ZNF536: variants seen among roughly 807,000 people sequenced by gnomAD.
ZNF536 encodes zinc finger protein 536.
In ZNF536, 13 loss-of-function variants were observed where a neutral mutation model predicts 84.5. The observed-to-expected ratio is 0.15, with a 90% CI of 0.10 to 0.24. The LOEUF is 0.24. Ranked by LOEUF, ZNF536 falls within the 10% of genes least tolerant of loss-of-function variation. ZNF536 has a pLI of 1.00. For synonymous variants in ZNF536, 811 were observed against 742.5 expected (o/e 1.09, Z -1.50); for missense variants, 1,536 against 1,747.5 (o/e 0.88, Z 2.16).
chr19:30,590,025 T>C (rs1346519964), intron 1 of ZNF536, among the ~76,000 whole-genome samples: 1 of 152,182 alleles, frequency 6.6e-6, no homozygotes, highest in East Asian at 1.9e-4. Context: ...CCCACTGGGC[T>C]CCATCCAGAT....
At chr19:30,365,948 T>C (rs948393827) in intron 3 of ZNF536, among the ~76,000 whole-genome samples, 2 of 152,190 alleles carry the variant, frequency 1.3e-5, no homozygotes, top group Non-Finnish European at 2.9e-5. Flanking sequence ...AATAGGAGTT[T>C]CTCTATGTAT....
rs930897911 is a variant in ZNF536, at chr19:30,228,855, T to C, written c.-190+182T>C. 1.3e-5 allele frequency: 2 copies of C among 151,300 alleles called. No individual in the cohort carries two copies. The highest frequency in any genetic ancestry group is 4.9e-5 in the African/African-American group (2 of 41,200). 9.4% of individuals were successfully genotyped at this position (151,300 alleles called of 1,614,324 possible). A position where few individuals can be genotyped will look rare whatever the true frequency, so the allele number is the denominator to read the frequency against. On this transcript the variant is annotated intron_variant, in intron 1 of 5. Coordinates refer to the ZNF536 transcript ENST00000585628. This position sits in a 1 kb window ranked among gnomAD's most constrained non-coding sequence, Gnocchi z 4.5. Reference sequence around the variant, plus strand: ...CCGGCTGGCTGCTCGCACAACTTTTTTTTTTTCCCCCGTCTGCTGACTTTT... The same window carrying C: ...CCGGCTGGCTGCTCGCACAACTTTTCTTTTTTCCCCCGTCTGCTGACTTTT...
chr19:30,303,579 T>C (rs142373122), intron 2 of ZNF536, among the ~76,000 whole-genome samples: 2,754 of 152,144 alleles, frequency 0.018, 36 homozygotes, highest in Middle Eastern at 0.041. Context: ...CTCTGCTCAC[T>C]GCAACCTCCG....
rs549753515 is a variant in ZNF536 at position 30,548,287 on chromosome 19, C to T, written c.2668C>T (p.Leu890Phe). Residue 890 changes from leucine to phenylalanine, a missense_variant, in exon 4 of 5, where the codon CTT becomes TTT. This residue lies in a region of ZNF536 where 624 missense variants were observed against 603.1 expected (regional missense o/e 1.03). Coordinates refer to ENST00000355537, the MANE Select transcript of ZNF536 (RefSeq NM_014717.3). ...VPSDALKGTD[L>F]PSKSTHFSEI... ...CTCAGATGCTCTGAAAGGCACTGAC[C>T]TTCCTTCCAAAAGCACCCACTTCTC... The T allele has an allele frequency of 1.2e-6, 2 of 1,614,244 alleles. No homozygotes were observed. The highest frequency in any genetic ancestry group is 1.7e-6 in the Non-Finnish European group (2 of 1,180,040).
chr19:30,522,260 TAC>T (rs1555789067), intron 2 of ZNF536, among the ~76,000 whole-genome samples: 3 of 110,306 alleles, frequency 2.7e-5, no homozygotes, highest in Admixed American at 9.3e-5. Flanking sequence ...TGGATATATA[TAC>T]ATATATATAT....
intron 2 of ZNF536, among the ~76,000 whole-genome samples, chr19:30,503,921 CT>C (rs200736973): frequency 3.4e-5 from 5 of 147,804 alleles, no homozygotes; most frequent in Admixed American, 6.7e-5. Context: ...TCTTCTCTCT[CT>C]TTTTTTTTAA....
intron 2 of ZNF536, among the ~76,000 whole-genome samples, chr19:30,507,380 A>T (rs2055219165): frequency 6.6e-6 from 1 of 152,118 alleles, no homozygotes; most frequent in Non-Finnish European, 1.5e-5. Context: ...AAAAACAAAA[A>T]ACTGGGAAAC....
At chr19:30,526,931 T>G (rs1187955108) in intron 2 of ZNF536, among the ~76,000 whole-genome samples, 4 of 152,000 alleles carry the variant, frequency 2.6e-5, no homozygotes, top group Admixed American at 1.3e-4. Context: ...CCCTTTTTCT[T>G]TTTTTGAGAC....
intron 1 of ZNF536, among the ~76,000 whole-genome samples, chr19:30,234,117 T>G (rs2023286312): frequency 6.6e-6 from 1 of 152,206 alleles, no homozygotes; most frequent in Non-Finnish European, 1.5e-5. Flanking sequence ...CTATTCTTAG[T>G]CTATGGCTTT....
At chr19:30,487,244 A>G (rs2054336145) in intron 2 of ZNF536, among the ~76,000 whole-genome samples, 1 of 152,224 alleles carries the variant, frequency 6.6e-6, no homozygotes, top group African/African-American at 2.4e-5. Flanking sequence ...TCATTATAAC[A>G]TCGTTTAAAA....
At chr19:30,476,075 C>T (rs186778590) in intron 2 of ZNF536, among the ~76,000 whole-genome samples, 2 of 152,324 alleles carry the variant, frequency 1.3e-5, no homozygotes, top group Admixed American at 1.3e-4. Context: ...TTCTGAAGAA[C>T]AAATGCGGCT....
chr19:30,547,893 A>T (rs2045615059), intron 3 of ZNF536, 50 bp from the exon 4 acceptor site: 1 of 1,509,610 alleles, frequency 6.6e-7, no homozygotes, highest in African/African-American at 1.4e-5. Flanking sequence ...CGTTCAGCAC[A>T]CCAAAATGAG....
At chr19:30,318,392 A>G (rs1331722137) in intron 2 of ZNF536, among the ~76,000 whole-genome samples, 6 of 152,268 alleles carry the variant, frequency 3.9e-5, no homozygotes, top group Non-Finnish European at 7.3e-5. Flanking sequence ...GAAAAGAGCC[A>G]ATGAAATGAT....
intron 2 of ZNF536, among the ~76,000 whole-genome samples, chr19:30,494,092 A>T (rs909013446): frequency 1.3e-5 from 2 of 152,196 alleles, no homozygotes; most frequent in Non-Finnish European, 2.9e-5. Flanking sequence ...AAACTTCCTT[A>T]AAAAAAGGTT....
At chr19:30,329,977 T>C (rs2047157310) in intron 2 of ZNF536, among the ~76,000 whole-genome samples, 2 of 152,308 alleles carry the variant, frequency 1.3e-5, no homozygotes, top group East Asian at 1.9e-4. Flanking sequence ...ATGGTTTAGG[T>C]GATAATTTAT....
At chr19:30,453,254 T>G (rs749185568) in intron 2 of ZNF536, among the ~76,000 whole-genome samples, 9 of 152,136 alleles carry the variant, frequency 5.9e-5, no homozygotes, top group Non-Finnish European at 1.2e-4. Context: ...ACCTGCTCAC[T>G]GAGGCACCTG....
In ZNF536 at chr19:30,698,683, T is replaced by C. The variant is rs142300973; in HGVS notation, c.170-12074T>C. Among the ~76,000 whole-genome samples the C allele has an allele frequency of 4.7e-3, 714 of 152,302 alleles. 3 individuals are homozygous for C. Among genetic ancestry groups the C allele is most frequent in the Non-Finnish European group, 7.4e-3 (502 of 68,032 alleles). ...GAAGACCACAAAGGTAAATTACCAT[T>C]CTCATCATATCAAGTCAAGGGCACC... On this transcript the variant is annotated intron_variant, in intron 1 of 1. Coordinates refer to the ZNF536 transcript ENST00000592773.
At chr19:30,593,925 A>G (rs911823474) in intron 1 of ZNF536, among the ~76,000 whole-genome samples, 1 of 152,186 alleles carries the variant, frequency 6.6e-6, no homozygotes, top group African/African-American at 2.4e-5. Flanking sequence ...GAAGAAGAGG[A>G]AAAAAGAGTC....
intron 1 of ZNF536, among the ~76,000 whole-genome samples, chr19:30,708,596 C>G (rs1213018908): frequency 6.6e-6 from 1 of 152,172 alleles, no homozygotes; most frequent in African/African-American, 2.4e-5. Context: ...TGTTCATAGT[C>G]TAGACAATAA....
Sources: gnomAD v4.1 joint callset for allele counts (sites outside exome capture counted in the v4.1 genomes callset) on GRCh38, gnomAD v4.1.1 for gene constraint, gnomAD v4.1.1 regional missense constraint, Gnocchi (gnomAD v3.1) non-coding constraint, MANE v1.5 for transcripts, NCBI Gene and HGNC (gene_info 2026-07-23, HGNC 2026-07-21) for gene names.